The following KIDINS220 variants were observed in gnomAD, a reference collection of about 807,000 sequenced individuals.
The protein encoded by KIDINS220 is kinase D-interacting substrate of 220 kDa.
A neutral mutation model predicts 157.6 loss-of-function variants in KIDINS220; 63 were observed. The observed-to-expected ratio is 0.40, with a 90% CI of 0.33 to 0.49. KIDINS220 has a LOEUF of 0.49. Ranked by LOEUF, KIDINS220 falls within the 20% of genes least tolerant of loss-of-function variation. The pLI is 0.66. For synonymous variants in KIDINS220, 732 were observed against 783.6 expected (o/e 0.93, Z 1.10); for missense variants, 1,772 against 2,171.2 (o/e 0.82, Z 3.65).
intron 26 of KIDINS220, among the ~76,000 whole-genome samples, chr2:8,746,249 CCTACCACCA>C (rs1353292524): frequency 3.3e-5 from 5 of 151,526 alleles, no homozygotes; most frequent in Non-Finnish European, 5.9e-5. Flanking sequence ...ATTACAGGTG[CCTACCACCA>C]TGCCTGGCTA....
At chr2:8,797,898 G>C (rs528803183) in intron 10 of KIDINS220, among the ~76,000 whole-genome samples, 1 of 152,300 alleles carries the variant, frequency 6.6e-6, no homozygotes, top group South Asian at 2.1e-4. Flanking sequence ...TCCCCACAAA[G>C]GAATGTGTTC....
chr2:8,787,051 C>T (rs1572655169), intron 15 of KIDINS220, among the ~76,000 whole-genome samples: 1 of 151,786 alleles, frequency 6.6e-6, no homozygotes, highest in Non-Finnish European at 1.5e-5. Context: ...TCTCAGAATA[C>T]AATCTGTAAT....
intron 17 of KIDINS220, among the ~76,000 whole-genome samples, chr2:8,782,959 C>T (rs1671899757): frequency 6.6e-6 from 1 of 151,940 alleles, no homozygotes; most frequent in Admixed American, 6.6e-5. Flanking sequence ...TTTGGGAGGC[C>T]GAGGAGGGAG....
intron 5 of KIDINS220, among the ~76,000 whole-genome samples, chr2:8,812,741 T>C (rs138011781): frequency 1.3e-5 from 2 of 152,280 alleles, no homozygotes; most frequent in African/African-American, 4.8e-5. Flanking sequence ...AACTAAGATA[T>C]AATAAATCTT....
intron 10 of KIDINS220, among the ~76,000 whole-genome samples, 180 bp from the exon 11 acceptor site, chr2:8,797,049 T>A (rs929902737): frequency 3.4e-4 from 52 of 152,194 alleles, no homozygotes; most frequent in Non-Finnish European, 1.2e-4. Context: ...CTCATTTGTA[T>A]CAAAGTGACT....
intron 14 of KIDINS220, among the ~76,000 whole-genome samples, chr2:8,789,175 ATTATAT>A (rs906699500): frequency 2.0e-4 from 14 of 68,524 alleles, no homozygotes; most frequent in African/African-American, 7.8e-4. Context: ...TAGGGATTAT[ATTATAT>A]TTTTTTTATT....
chr2:8,810,792 A>C (rs578229101), intron 6 of KIDINS220, among the ~76,000 whole-genome samples: 4 of 152,276 alleles, frequency 2.6e-5, no homozygotes, highest in African/African-American at 4.8e-5. Flanking sequence ...TCAAAAAAAA[A>C]CAAAAATTCC....
intron 8 of KIDINS220, among the ~76,000 whole-genome samples, chr2:8,802,221 T>C (rs1427222282): frequency 2.6e-5 from 4 of 152,180 alleles, no homozygotes; most frequent in African/African-American, 9.7e-5. Flanking sequence ...ACAGGAAGTC[T>C]TGGATGACTT....
At chr2:8,754,384 T>C (rs1667736716) in intron 22 of KIDINS220, among the ~76,000 whole-genome samples, 1 of 152,230 alleles carries the variant, frequency 6.6e-6, no homozygotes, top group South Asian at 2.1e-4. Context: ...ATCAAAATCA[T>C]ATGTGCCTTT....
In KIDINS220 at chr2:8,826,979, G is replaced by A; in HGVS notation, c.108+7C>T. 6.4e-7 allele frequency: 1 copy of A among 1,553,948 alleles called. No homozygotes were observed. The highest frequency in any genetic ancestry group is 8.9e-7 in the Non-Finnish European group (1 of 1,128,764). On this transcript the variant is annotated splice_region_variant and intron_variant, in intron 2 of 29. Coordinates refer to ENST00000256707, the MANE Select transcript of KIDINS220 (RefSeq NM_020738.4). ...GAAAGAATGTAATTTTGCAAACTTG[G>A]TCTTACCTCATTTCTCTCATCTACA...
chr2:8,807,699 T>G (rs570630261), intron 6 of KIDINS220, among the ~76,000 whole-genome samples: 32 of 152,228 alleles, frequency 2.1e-4, no homozygotes, highest in Admixed American at 7.8e-4. Context: ...GAAGACTCCA[T>G]GACAGACAGA....
intron 1 of KIDINS220, among the ~76,000 whole-genome samples, chr2:8,833,607 A>G (rs1572856425): frequency 6.6e-6 from 1 of 151,712 alleles, no homozygotes; most frequent in South Asian, 2.1e-4. Flanking sequence ...TATACCAAAT[A>G]CCCAACACTT....
chr2:8,756,781 A>T lies in KIDINS220; in HGVS notation c.3012-5137T>A, dbSNP rs1172739100. Among the ~76,000 whole-genome samples, 3 of 152,210 alleles carry T rather than the reference A, an allele frequency of 2.0e-5. No homozygotes were observed. In the East Asian group the frequency reaches 5.8e-4, roughly 29 times the overall value. ...ATGACCTCATCTAAACCTAATTACC[A>T]AAGGCACCAACTCTAAATAATATCA... On this transcript the variant is annotated intron_variant, in intron 22 of 29. Transcript: ENST00000256707.
At chr2:8,723,392 G>A (rs6709749), downstream of KIDINS220, 42,975 of 152,140 alleles carry the variant, frequency 0.28, 6,250 homozygotes, top group Middle Eastern at 0.34. Context: ...GGGTCTTCAT[G>A]TAAATTTAGG....
At chr2:8,771,127 T>C (rs973678612) in intron 21 of KIDINS220, among the ~76,000 whole-genome samples, 1 of 152,208 alleles carries the variant, frequency 6.6e-6, no homozygotes, top group Non-Finnish European at 1.5e-5. Flanking sequence ...TTCAGAACTG[T>C]GTCACACAGT....
chr2:8,773,705 C>T (rs1477701410), intron 21 of KIDINS220, among the ~76,000 whole-genome samples: 1 of 152,028 alleles, frequency 6.6e-6, no homozygotes, highest in African/African-American at 2.4e-5. Context: ...CTCCTGAGCT[C>T]AGGTGATCCA....
chr2:8,801,126 G>T (rs535995810), intron 8 of KIDINS220, among the ~76,000 whole-genome samples: 1 of 152,258 alleles, frequency 6.6e-6, no homozygotes, highest in Admixed American at 6.5e-5. Flanking sequence ...TCACCAAGCA[G>T]CAATCATTTT....
intron 2 of KIDINS220, among the ~76,000 whole-genome samples, chr2:8,826,067 G>C (rs1678771612): frequency 6.6e-6 from 1 of 152,088 alleles, no homozygotes; most frequent in Admixed American, 6.5e-5. Context: ...CTGGGTGACA[G>C]AGTGAGACTC....
chr2:8,737,166 C>T, intron 26 of KIDINS220, 167 bp from the exon 27 acceptor site: 1 of 638,010 alleles, frequency 1.6e-6, no homozygotes, highest in Non-Finnish European at 2.6e-6. Context: ...GATTTAGTTA[C>T]TGTTATAACC....
Sources: gnomAD v4.1 joint callset for allele counts (sites outside exome capture counted in the v4.1 genomes callset) on GRCh38, gnomAD v4.1.1 for gene constraint, MANE v1.5 for transcripts, NCBI Gene and HGNC (gene_info 2026-07-23, HGNC 2026-07-21) for gene names.